FAT3: variants seen among roughly 807,000 people sequenced by gnomAD.
FAT3 encodes the protein protocadherin Fat 3.
FAT3 carries 95 observed loss-of-function variants against 310.2 expected under a neutral mutation model. The observed-to-expected ratio is 0.31, with a 90% CI of 0.26 to 0.36. FAT3 has a LOEUF of 0.36. Among genes scored for constraint, FAT3 ranks in the 10% least tolerant of loss-of-function variants. FAT3 has a pLI of 1.00. For missense variants in FAT3, 5,408 were observed against 5,715.6 expected (o/e 0.95, Z 1.74); for synonymous variants, 2,314 against 2,192.9 (o/e 1.06, Z -1.54).
At chr11:92,709,204 T>C (rs953027414) in intron 4 of FAT3, among the ~76,000 whole-genome samples, 2 of 152,188 alleles carry the variant, frequency 1.3e-5, no homozygotes, top group Admixed American at 1.3e-4. Flanking sequence ...TCTTAAATTG[T>C]GTTTATTTGT....
rs1948629546 is a variant in FAT3 at position 92,844,333 on chromosome 11, G to A, written c.10966G>A (p.Val3656Met). Reference protein sequence around the residue: ...QNTVTIRFENVSPEDFVGLHM... With the variant: ...QNTVTIRFENMSPEDFVGLHM... ...CACTGTCACCATCCGCTTTGAAAATGTGTCCCCTGAGGACTTCGTGGGGCT... is the reference window on the plus strand; with the variant it reads ...CACTGTCACCATCCGCTTTGAAAATATGTCCCCTGAGGACTTCGTGGGGCT... The change falls in exon 19 of 28, where the codon GTG becomes ATG. Residue 3656 changes from valine to methionine, a missense_variant. Physicochemically the swap from Val to Met is conservative, Grantham distance 21. Around this residue, in one of 5 missense-constraint regions of FAT3, gnomAD observed 4,588 missense variants for 4,809.8 expected, o/e 0.95. Transcript: ENST00000525166. 6.2e-7 allele frequency: 1 copy of A among 1,613,942 alleles called. No individual in the cohort carries two copies. The highest frequency in any genetic ancestry group is 2.2e-5 in the East Asian group (1 of 44,882).
chr11:92,374,011 G>A (rs1199419323), intron 2 of FAT3, among the ~76,000 whole-genome samples: 1 of 144,486 alleles, frequency 6.9e-6, no homozygotes, highest in Non-Finnish European at 1.5e-5. Context: ...GTGGCCAAAG[G>A]ACTCTCAGAC....
At chr11:92,586,607 A>G (rs1939169948) in intron 3 of FAT3, among the ~76,000 whole-genome samples, 1 of 151,844 alleles carries the variant, frequency 6.6e-6, no homozygotes, top group Non-Finnish European at 1.5e-5. Flanking sequence ...GGCCAGGGTA[A>G]TAGAGTTGTT....
At chr11:92,552,893 T>G (rs1954870867) in intron 3 of FAT3, among the ~76,000 whole-genome samples, 1 of 149,980 alleles carries the variant, frequency 6.7e-6, no homozygotes. Flanking sequence ...GAAGTTGCAG[T>G]GAGCCGAGAT....
intron 3 of FAT3, among the ~76,000 whole-genome samples, chr11:92,582,314 GTT>G (rs987484639): frequency 1.3e-5 from 2 of 151,866 alleles, no homozygotes; most frequent in Non-Finnish European, 2.9e-5. Context: ...AGTCCAGTAG[GTT>G]TCAGCCTCAT....
intron 3 of FAT3, among the ~76,000 whole-genome samples, chr11:92,654,485 C>T (rs1269817700): frequency 6.6e-6 from 1 of 152,186 alleles, no homozygotes; most frequent in African/African-American, 2.4e-5. Flanking sequence ...TTTTCCATCT[C>T]CATAAATGGT....
intron 2 of FAT3, among the ~76,000 whole-genome samples, chr11:92,496,079 T>C (rs1287916662): frequency 6.6e-6 from 1 of 152,080 alleles, no homozygotes; most frequent in Non-Finnish European, 1.5e-5. Context: ...TTAAATCTGT[T>C]GTGCGCATTT....
chr11:92,367,052 C>T (rs556643881), intron 2 of FAT3: 8 of 492,592 alleles, frequency 1.6e-5, no homozygotes, highest in East Asian at 5.4e-5. Flanking sequence ...ACTGTCCGGA[C>T]GGTCCAGATC....
In FAT3 at chr11:92,359,318, A is replaced by G. The variant is rs189810624; in HGVS notation, c.3292+3914A>G. Among the ~76,000 whole-genome samples, 4 of 152,274 alleles carry G rather than the reference A, an allele frequency of 2.6e-5. No individual in the cohort carries two copies. The East Asian group carries it at 7.7e-4, about 29-fold the overall frequency. ...TTTTCTAGTCAAATTTTACAATTCA[A>G]ATAATCTTTTATTATTTATTAGTGG... On this transcript the variant is annotated intron_variant, in intron 2 of 27. Transcript: ENST00000525166.
intron 15 of FAT3, among the ~76,000 whole-genome samples, chr11:92,835,720 C>G (rs1305278112): frequency 6.6e-6 from 1 of 152,058 alleles, no homozygotes; most frequent in African/African-American, 2.4e-5. Context: ...AAATCCCTGT[C>G]CCCCTTTCCC....
At chr11:92,462,172 C>T (rs1399252320) in intron 2 of FAT3, among the ~76,000 whole-genome samples, 1 of 151,742 alleles carries the variant, frequency 6.6e-6, no homozygotes, top group Non-Finnish European at 1.5e-5. Context: ...TTTTTTCTTT[C>T]TAATTTTTAT....
At chr11:92,568,497 G>A (rs1156529723) in intron 3 of FAT3, among the ~76,000 whole-genome samples, 2 of 152,110 alleles carry the variant, frequency 1.3e-5, no homozygotes, top group African/African-American at 4.8e-5. Flanking sequence ...GCAATGGAAA[G>A]AACATGAAAT....
chr11:92,446,053 A>AT (rs1307747932), intron 2 of FAT3, among the ~76,000 whole-genome samples: 1 of 151,958 alleles, frequency 6.6e-6, no homozygotes, highest in Non-Finnish European at 1.5e-5. Flanking sequence ...TCCATGGGGA[A>AT]TTTATCTGTC....
chr11:92,504,394 TAGC>T (rs1026774388), intron 2 of FAT3, among the ~76,000 whole-genome samples: 6 of 152,136 alleles, frequency 3.9e-5, no homozygotes, highest in African/African-American at 1.2e-4. Context: ...TCAACTTTGA[TAGC>T]AGAAACAGAA....
chr11:92,809,143 C>T (rs1947593349), intron 12 of FAT3, among the ~76,000 whole-genome samples: 1 of 152,130 alleles, frequency 6.6e-6, no homozygotes, highest in Non-Finnish European at 1.5e-5. Context: ...ACCAATGCAG[C>T]TATTCCAGTG....
chr11:92,589,565 G>A (rs185729977), intron 3 of FAT3, among the ~76,000 whole-genome samples: 38 of 152,068 alleles, frequency 2.5e-4, no homozygotes, highest in Admixed American at 1.2e-3. Context: ...ATTTAATCAT[G>A]CTGCTTACTT....
rs1591252852 is a variant in FAT3, at chr11:92,412,746, A to ACAC, written c.3292+57342_3292+57343insCAC. ...ATATATATATATATATATATATATA[A>ACAC]ATATACATACATATATATATATTTA... On this transcript the variant is annotated intron_variant, in intron 2 of 27. Transcript: ENST00000525166. Among the ~76,000 whole-genome samples the ACAC allele has an allele frequency of 5.5e-4, 10 of 18,066 alleles. 1 individual carries two copies. The highest frequency in any genetic ancestry group is 4.6e-3 in the Admixed American group (5 of 1,098). 11.9% of individuals were successfully genotyped at this position (18,066 alleles called of 152,430 possible).
chr11:92,708,182 G>A (rs75451703), intron 4 of FAT3, among the ~76,000 whole-genome samples: 2,621 of 152,240 alleles, frequency 0.017, 69 homozygotes, highest in African/African-American at 0.06. Context: ...TAGAATCTTG[G>A]AACAATACCA....
At chr11:92,421,405 G>A (rs1320060767) in intron 2 of FAT3, among the ~76,000 whole-genome samples, 2 of 152,086 alleles carry the variant, frequency 1.3e-5, no homozygotes, top group Non-Finnish European at 1.5e-5. Context: ...TTAATTTGTT[G>A]TTTAAATATC....
Sources: allele counts gnomAD v4.1 joint callset (sites outside exome capture counted in the v4.1 genomes callset), GRCh38; gene constraint gnomAD v4.1.1; regional missense constraint gnomAD v4.1.1; transcripts MANE v1.5; gene names NCBI Gene and HGNC (gene_info 2026-07-23, HGNC 2026-07-21).